The following RAB6A variants were observed in gnomAD, a reference collection of about 807,000 sequenced individuals.
The protein encoded by RAB6A is ras-related protein Rab-6A.
In RAB6A, 8 loss-of-function variants were observed where a neutral mutation model predicts 32.3. The ratio of observed to expected loss-of-function variants is 0.25; its 90% CI spans 0.15 to 0.45. The LOEUF is 0.45. Ranked by LOEUF, RAB6A falls within the 20% of genes least tolerant of loss-of-function variation. The pLI, the probability that RAB6A is intolerant of heterozygous loss-of-function variation, is 1.00. For missense variants in RAB6A, 104 were observed against 249.4 expected, an observed-to-expected ratio of 0.42 and a Z score of 3.93; for synonymous variants, 73 against 82.1, an observed-to-expected ratio of 0.89 and a Z score of 0.60.
rs528541297 is a variant in RAB6A at position 73,695,491 on chromosome 11, C to T, written c.495+11929G>A. Among the ~76,000 whole-genome samples, 206 of 152,032 alleles carry T rather than the reference C, an allele frequency of 1.4e-3. 1 individual carries two copies. Among genetic ancestry groups the T allele is most frequent in the South Asian group, 9.4e-3 (45 of 4,812 alleles). ...GCCTCCCGGGTTCAAGTGATTCTCA[C>T]GCCTCAGCCTCCTGAGTAGCTGGGA... On this transcript the variant is annotated intron_variant, in intron 6 of 7. Transcript: ENST00000336083.
chr11:73,680,173 T>C (rs1177438085), intron 6 of RAB6A, among the ~76,000 whole-genome samples: 2 of 152,136 alleles, frequency 1.3e-5, no homozygotes, highest in South Asian at 4.1e-4. Flanking sequence ...AAAAGCAATA[T>C]ACCAAATACA....
chr11:73,689,274 C>T (rs908272239), intron 6 of RAB6A, among the ~76,000 whole-genome samples: 2 of 152,160 alleles, frequency 1.3e-5, no homozygotes, highest in African/African-American at 4.8e-5. Flanking sequence ...GAAACTGTTC[C>T]ACCTGTGATT....
At chr11:73,734,275 G>A (rs900359771) in intron 1 of RAB6A, among the ~76,000 whole-genome samples, 37 of 152,102 alleles carry the variant, frequency 2.4e-4, no homozygotes, top group African/African-American at 5.8e-4. Context: ...ACAGGCGCCC[G>A]CCACCACGCC....
intron 1 of RAB6A, among the ~76,000 whole-genome samples, chr11:73,760,250 G>C (rs1946823054): frequency 6.6e-6 from 1 of 152,156 alleles, no homozygotes; most frequent in African/African-American, 2.4e-5. Context: ...GGCAATGACC[G>C]AGACCGGAGG....
intron 1 of RAB6A, 121 bp from the exon 2 acceptor site, chr11:73,730,944 A>G: frequency 1.4e-6 from 1 of 690,588 alleles, no homozygotes; most frequent in Non-Finnish European, 2.5e-6. Context: ...TTCTACTAAG[A>G]ATAATTAAAA....
intron 1 of RAB6A, among the ~76,000 whole-genome samples, chr11:73,759,596 T>C (rs1266630559): frequency 1.3e-5 from 2 of 152,220 alleles, no homozygotes; most frequent in South Asian, 2.1e-4. Context: ...AGATGTTTGT[T>C]ATTCCAAGCC....
At chr11:73,716,000 C>T (rs1346082128) in intron 5 of RAB6A, among the ~76,000 whole-genome samples, 2 of 152,192 alleles carry the variant, frequency 1.3e-5, no homozygotes, top group East Asian at 1.9e-4. Flanking sequence ...TATTTACTGG[C>T]TTCATGTCTA....
intron 4 of RAB6A, among the ~76,000 whole-genome samples, chr11:73,718,314 T>C (rs1031973208): frequency 5.3e-5 from 8 of 152,106 alleles, no homozygotes; most frequent in African/African-American, 1.7e-4. Context: ...CAAGGAAACA[T>C]TCCTCCAACT....
At chr11:73,684,111 T>A (rs2134867993) in intron 6 of RAB6A, among the ~76,000 whole-genome samples, 1 of 152,106 alleles carries the variant, frequency 6.6e-6, no homozygotes, top group South Asian at 2.1e-4. Flanking sequence ...TACGATCAGA[T>A]GATCATTAGC....
intron 1 of RAB6A, among the ~76,000 whole-genome samples, chr11:73,742,508 TTACTC>T (rs1239961372): frequency 2.6e-5 from 4 of 151,966 alleles, no homozygotes; most frequent in African/African-American, 4.8e-5. Flanking sequence ...AGACTACTGA[TTACTC>T]TTATCAAAGA....
In RAB6A at chr11:73,725,218, A is replaced by G. The variant is rs564818787; in HGVS notation, c.130-4319T>C. Among the ~76,000 whole-genome samples the G allele has an allele frequency of 2.0e-5, 3 of 152,342 alleles. No individual in the cohort carries two copies. In the East Asian group the frequency reaches 5.8e-4, roughly 29 times the overall value. Reference sequence around the variant, plus strand: ...AAGTAAGGGTCAAAGAAGAGTGGTAAAAGTGGTAAAGTTAGCTTTTGAGGA... The same window carrying G: ...AAGTAAGGGTCAAAGAAGAGTGGTAGAAGTGGTAAAGTTAGCTTTTGAGGA... On this transcript the variant is annotated intron_variant, in intron 2 of 7. Transcript: ENST00000336083.
intron 6 of RAB6A, among the ~76,000 whole-genome samples, chr11:73,689,645 T>A (rs34302239): frequency 0.039 from 5,892 of 152,292 alleles, 155 homozygotes; most frequent in Middle Eastern, 0.071. Context: ...CTGAATCCAC[T>A]TATGACCTAC....
chr11:73,702,587 T>C (rs770925595), intron 6 of RAB6A, among the ~76,000 whole-genome samples: 1 of 152,332 alleles, frequency 6.6e-6, no homozygotes, highest in East Asian at 1.9e-4. Flanking sequence ...GACCATATGA[T>C]AGGCCATAAA....
intron 1 of RAB6A, among the ~76,000 whole-genome samples, chr11:73,741,630 A>T (rs1946497170): frequency 1.3e-5 from 2 of 152,196 alleles, no homozygotes; most frequent in Non-Finnish European, 2.9e-5. Context: ...GTGAATGGAT[A>T]CACAAACTGT....
chr11:73,719,243 A>G (rs1235733199), intron 3 of RAB6A, among the ~76,000 whole-genome samples: 3 of 152,234 alleles, frequency 2.0e-5, no homozygotes, highest in East Asian at 3.8e-4. Context: ...GAAAAAAACA[A>G]AACAAAACAA....
At chr11:73,758,147 A>G (rs543265608) in intron 1 of RAB6A, among the ~76,000 whole-genome samples, 6 of 148,360 alleles carry the variant, frequency 4.0e-5, no homozygotes, top group East Asian at 2.0e-4. Context: ...CTTCTAACGC[A>G]TAAGAAAACT....
At chr11:73,701,203 C>A (rs187555687) in intron 6 of RAB6A, among the ~76,000 whole-genome samples, 1 of 152,054 alleles carries the variant, frequency 6.6e-6, no homozygotes, top group African/African-American at 2.4e-5. Context: ...TAAATATATA[C>A]CTTATATACA....
chr11:73,739,042 C>A (rs1360363187), intron 1 of RAB6A, among the ~76,000 whole-genome samples: 1 of 150,574 alleles, frequency 6.6e-6, no homozygotes, highest in East Asian at 2.0e-4. Context: ...CTGAGGTGGG[C>A]AGATCACTTG....
chr11:73,704,831 C>A (rs1945809679), intron 6 of RAB6A, among the ~76,000 whole-genome samples: 1 of 151,448 alleles, frequency 6.6e-6, no homozygotes, highest in Admixed American at 6.6e-5. Flanking sequence ...CCCCTATCTA[C>A]TAAAAATACA....
Sources: gnomAD v4.1 joint callset for allele counts (sites outside exome capture counted in the v4.1 genomes callset) on GRCh38, gnomAD v4.1.1 for gene constraint, MANE v1.5 for transcripts, NCBI Gene and HGNC (gene_info 2026-07-23, HGNC 2026-07-21) for gene names.